Variants in RANBP10 observed in about 807,000 individuals in gnomAD.
The protein encoded by RANBP10 is ran-binding protein 10.
Under a neutral mutation model 72.8 loss-of-function variants are expected in RANBP10, and 24 were observed. The ratio of observed to expected loss-of-function variants is 0.33; its 90% CI spans 0.24 to 0.46. The LOEUF is 0.46. RANBP10 is among the 20% of genes least tolerant of loss of function. The pLI is 1.00. For synonymous variants in RANBP10, 310 were observed against 322.3 expected (o/e 0.96, Z 0.41); for missense variants, 679 against 817.5 (o/e 0.83, Z 2.07).
chr16:67,759,091 C>T lies in RANBP10; in HGVS notation c.400+12943G>A, dbSNP rs1170813722. Among the ~76,000 whole-genome samples, 6 of 152,360 alleles carry T rather than the reference C, an allele frequency of 3.9e-5. No individual in the cohort carries two copies. In the South Asian group the frequency reaches 6.2e-4, roughly 16 times the overall value. On this transcript the variant is annotated intron_variant, in intron 3 of 13. Coordinates refer to ENST00000317506, the MANE Select transcript of RANBP10 (RefSeq NM_020850.3). ...CTGCAGCACTTACACCATTAGCCACCGCTTGAATCACCAGCTAAGTACCTC... is the reference window on the plus strand; with the variant it reads ...CTGCAGCACTTACACCATTAGCCACTGCTTGAATCACCAGCTAAGTACCTC...
intron 5 of RANBP10, 132 bp from the exon 6 acceptor site, chr16:67,735,174 G>A (rs889646776): frequency 1.3e-5 from 11 of 845,184 alleles, no homozygotes; most frequent in Middle Eastern, 3.4e-4. Context: ...GAGGCAGGGC[G>A]GAGCCACCTC....
intron 6 of RANBP10, among the ~76,000 whole-genome samples, chr16:67,734,303 A>C (rs2053794792): frequency 6.6e-6 from 1 of 152,234 alleles, no homozygotes; most frequent in African/African-American, 2.4e-5. Context: ...AGTGGAAGAG[A>C]AACCCAAAGC....
chr16:67,742,454 A>T (rs920252581), intron 4 of RANBP10, among the ~76,000 whole-genome samples: 4 of 152,210 alleles, frequency 2.6e-5, no homozygotes, highest in African/African-American at 4.8e-5. Flanking sequence ...TACCAGATGA[A>T]ATTTAATTAC....
rs1394261901 is a variant in RANBP10, at chr16:67,724,870, C to G, written c.*1558G>C. On this transcript the variant is annotated 3_prime_UTR_variant, in exon 14 of 14. Transcript: ENST00000317506. Reference sequence around the variant, plus strand: ...CGGCCTTGCCATGGCTGACCCTACTCTTTGCATGGGCGGCTTGTGCACTCC... The same window carrying G: ...CGGCCTTGCCATGGCTGACCCTACTGTTTGCATGGGCGGCTTGTGCACTCC... The G allele has an allele frequency of 1.3e-5, 2 of 152,396 alleles. No homozygotes were observed. The highest frequency in any genetic ancestry group is 2.9e-5 in the Non-Finnish European group (2 of 68,086). 9.4% of individuals were successfully genotyped at this position (152,396 alleles called of 1,614,324 possible). A position where few individuals can be genotyped will look rare whatever the true frequency, so the allele number is the denominator to read the frequency against.
intron 2 of RANBP10, among the ~76,000 whole-genome samples, chr16:67,784,328 C>A (rs1192182313): frequency 6.6e-6 from 1 of 152,140 alleles, no homozygotes; most frequent in Non-Finnish European, 1.5e-5. Context: ...TTGAAACCAG[C>A]CTGACCAACA....
intron 3 of RANBP10, among the ~76,000 whole-genome samples, chr16:67,771,262 T>C (rs1310663189): frequency 2.6e-5 from 4 of 152,082 alleles, no homozygotes; most frequent in South Asian, 4.1e-4. Flanking sequence ...CTCAAATATA[T>C]ATATAAATAA....
chr16:67,735,186 G>A lies in RANBP10; in HGVS notation c.592-144C>T, dbSNP rs559873868. 15 of 732,334 alleles carry A rather than the reference G, an allele frequency of 2.0e-5. No homozygotes were observed. In the African/African-American group the frequency reaches 2.3e-4, roughly 11 times the overall value. 45.4% of individuals were successfully genotyped at this position (732,334 alleles called of 1,614,324 possible). A position where few individuals can be genotyped will look rare whatever the true frequency, so the allele number is the denominator to read the frequency against. On this transcript the variant is annotated intron_variant, in intron 5 of 13. Coordinates refer to ENST00000317506, the MANE Select transcript of RANBP10 (RefSeq NM_020850.3). ...GAGGAGGCAGGGCGGAGCCACCTCT[G>A]TCCACCTCCCTAGCAGAGACATTAT...
chr16:67,726,372 G>GCA lies in RANBP10; in HGVS notation c.*54_*55dup. ...GCACCAGTTGCCTATGGAGGGCAGG[G>GCA]CAGCTCCAGCCCTGGGGCCAGTGGA... On this transcript the variant is annotated 3_prime_UTR_variant, in exon 14 of 14. Transcript: ENST00000317506. The GCA allele has an allele frequency of 6.2e-7, 1 of 1,605,834 alleles. No individual in the cohort carries two copies. The highest frequency in any genetic ancestry group is 2.2e-5 in the East Asian group (1 of 44,632).
intron 2 of RANBP10, among the ~76,000 whole-genome samples, chr16:67,773,785 CTT>C (rs903303228): frequency 6.6e-5 from 10 of 152,196 alleles, no homozygotes; most frequent in African/African-American, 2.4e-4. Context: ...TTGTCTTCTG[CTT>C]TGTTTTAAGC....
At chr16:67,757,113 C>T (rs1452191936) in intron 3 of RANBP10, among the ~76,000 whole-genome samples, 2 of 152,186 alleles carry the variant, frequency 1.3e-5, no homozygotes, top group Non-Finnish European at 2.9e-5. Flanking sequence ...GAGGCTGAGG[C>T]AGGAGAATCG....
chr16:67,782,283 G>A (rs1452775723), intron 2 of RANBP10, among the ~76,000 whole-genome samples: 1 of 151,826 alleles, frequency 6.6e-6, no homozygotes, highest in East Asian at 1.9e-4. Flanking sequence ...GGGACCATAG[G>A]TGAGTGCCAC....
intron 3 of RANBP10, among the ~76,000 whole-genome samples, chr16:67,755,663 G>A (rs966787399): frequency 7.4e-6 from 1 of 135,570 alleles, no homozygotes; most frequent in African/African-American, 2.8e-5. Context: ...CAGCCCAGGC[G>A]ACAGAATGAG....
rs1446602265 is a variant in RANBP10 at position 67,724,287 on chromosome 16, G to C, written c.*2141C>G. The C allele has an allele frequency of 6.6e-6, 1 of 152,228 alleles. No homozygotes were observed. The highest frequency in any genetic ancestry group is 1.9e-4 in the East Asian group (1 of 5,196). 9.4% of individuals were successfully genotyped at this position (152,228 alleles called of 1,614,324 possible). ...TAAATAGTGTTGCCCAACCCACAGG[G>C]ATAAGGGATAGTCCCGGCTCTGCTA... On this transcript the variant is annotated 3_prime_UTR_variant, in exon 14 of 14. Transcript: ENST00000317506.
At chr16:67,774,349 C>T (rs1464218588) in intron 2 of RANBP10, among the ~76,000 whole-genome samples, 2 of 152,204 alleles carry the variant, frequency 1.3e-5, no homozygotes, top group Non-Finnish European at 2.9e-5. Context: ...TATGCTTGGT[C>T]GCTGCAACAG....
In RANBP10 at chr16:67,730,743, G is replaced by T. The variant is rs2053713679; in HGVS notation, c.890-697C>A. ...GTCTGGCTGAGCACAGCTTCTCTGG[G>T]AGACAGACACGTGCACATACAGAAG... On this transcript the variant is annotated intron_variant, in intron 7 of 13. Coordinates refer to ENST00000317506, the MANE Select transcript of RANBP10 (RefSeq NM_020850.3). This position sits in a 1 kb window ranked among gnomAD's most constrained non-coding sequence, Gnocchi z 4.3. Among the ~76,000 whole-genome samples the T allele has an allele frequency of 6.6e-6, 1 of 152,202 alleles. No individual in the cohort carries two copies. The highest frequency in any genetic ancestry group is 2.4e-5 in the African/African-American group (1 of 41,430).
In RANBP10 at chr16:67,762,284, T is replaced by C. The variant is rs1052995726; in HGVS notation, c.400+9750A>G. ...CCAATCTCTAAAAAGTAAGAATAAC[T>C]AATATTTATGTACCCCTTTTCTGTG... On this transcript the variant is annotated intron_variant, in intron 3 of 13. Coordinates refer to ENST00000317506, the MANE Select transcript of RANBP10 (RefSeq NM_020850.3). Among the ~76,000 whole-genome samples, 9 of 152,232 alleles carry C rather than the reference T, an allele frequency of 5.9e-5. No individual in the cohort carries two copies. In the South Asian group the frequency reaches 1.7e-3, roughly 28 times the overall value.
chr16:67,780,750 A>C (rs117829552), intron 2 of RANBP10, among the ~76,000 whole-genome samples: 2,034 of 152,298 alleles, frequency 0.013, 23 homozygotes, highest in Non-Finnish European at 0.021. Flanking sequence ...GAACACAGTT[A>C]ATTTATTGGG....
rs755742653 is a variant in RANBP10 at position 67,727,302 on chromosome 16, AAT to A, written c.1732+23_1732+24del. ...CTACAGAGCAGACTCTGTCTCTAAT[AAT>A]AATAATAAATAGATTCACTCACCTA... On this transcript the variant is annotated intron_variant, in intron 13 of 13. Coordinates refer to ENST00000317506, the MANE Select transcript of RANBP10 (RefSeq NM_020850.3). The A allele has an allele frequency of 3.8e-6, 6 of 1,582,604 alleles. No individual in the cohort carries two copies. In the East Asian group the frequency reaches 1.4e-4, roughly 36 times the overall value.
chr16:67,736,430 G>T (rs2053849165), intron 5 of RANBP10, among the ~76,000 whole-genome samples: 2 of 152,198 alleles, frequency 1.3e-5, no homozygotes, highest in Non-Finnish European at 1.5e-5. Flanking sequence ...CAAAGTGCTA[G>T]GATCACAAGC....
Sources: gnomAD v4.1 joint callset for allele counts (sites outside exome capture counted in the v4.1 genomes callset) on GRCh38, gnomAD v4.1.1 for gene constraint, Gnocchi (gnomAD v3.1) non-coding constraint, MANE v1.5 for transcripts, NCBI Gene and HGNC (gene_info 2026-07-23, HGNC 2026-07-21) for gene names.